The following PRKCH variants were observed in gnomAD, a reference collection of about 807,000 sequenced individuals.
The protein encoded by PRKCH is protein kinase C eta.
In PRKCH, 28 loss-of-function variants were observed where a neutral mutation model predicts 82.5. That is an observed-to-expected ratio of 0.34 (90% CI 0.25 to 0.47). PRKCH has a LOEUF of 0.47. Among genes scored for constraint, PRKCH ranks in the 20% least tolerant of loss-of-function variants. PRKCH has a pLI of 1.00. For synonymous variants in PRKCH, 322 were observed against 327.4 expected (o/e 0.98, Z 0.18); for missense variants, 705 against 881.8 (o/e 0.80, Z 2.54).
At chr14:61,433,840 A>G (rs1413625583) in intron 2 of PRKCH, among the ~76,000 whole-genome samples, 2 of 152,242 alleles carry the variant, frequency 1.3e-5, no homozygotes, top group Non-Finnish European at 2.9e-5. Flanking sequence ...TGTACAGTAT[A>G]TATTTGGCAT....
At chr14:61,391,344 G>C (rs2046678938) in intron 2 of PRKCH, 56 bp downstream of exon 2, 55 of 1,394,062 alleles carry the variant, frequency 3.9e-5, no homozygotes, top group Non-Finnish European at 5.1e-5. Context: ...TTTACACTCA[G>C]TAGGAATTTC....
At chr14:61,437,859 G>A (rs1883750737) in intron 2 of PRKCH, among the ~76,000 whole-genome samples, 1 of 152,014 alleles carries the variant, frequency 6.6e-6, no homozygotes, top group Non-Finnish European at 1.5e-5. Context: ...CAGTTTGGGA[G>A]GCCGAGGCAG....
intron 1 of PRKCH, among the ~76,000 whole-genome samples, chr14:61,193,976 GCTGT>G (rs1566775872): frequency 2.0e-5 from 3 of 152,034 alleles, no homozygotes; most frequent in Non-Finnish European, 1.5e-5. Flanking sequence ...GCCCACCATG[GCTGT>G]CTATTTGGGT....
At chr14:61,269,841 C>T (rs745905048) in intron 1 of PRKCH, among the ~76,000 whole-genome samples, 12 of 152,186 alleles carry the variant, frequency 7.9e-5, no homozygotes, top group Non-Finnish European at 1.8e-4. Flanking sequence ...CGCTGCGTTC[C>T]GTGTCGCTGC....
At chr14:61,192,429 C>A (rs955366117) in intron 1 of PRKCH, among the ~76,000 whole-genome samples, 3 of 152,212 alleles carry the variant, frequency 2.0e-5, no homozygotes, top group Non-Finnish European at 4.4e-5. Flanking sequence ...GTAGGTAAAT[C>A]TCCTAGAATA....
At chr14:61,290,346 G>A (rs2045351123) in intron 1 of PRKCH, among the ~76,000 whole-genome samples, 1 of 151,940 alleles carries the variant, frequency 6.6e-6, no homozygotes, top group East Asian at 1.9e-4. Flanking sequence ...TTCTCCCAGA[G>A]ATGTGAAACT....
In PRKCH at chr14:61,280,511, T is replaced by C. The variant is rs762817797; in HGVS notation, c.-19+92843T>C. The C allele has an allele frequency of 2.8e-5, 45 of 1,612,868 alleles. No individual in the cohort carries two copies. In the East Asian group the frequency reaches 9.1e-4, roughly 33 times the overall value. On this transcript the variant is annotated intron_variant, in intron 1 of 3. Transcript: ENST00000555185. This position sits in a 1 kb window ranked among gnomAD's most constrained non-coding sequence, Gnocchi z 5.0. ...TGGAAGGCCAACGCCAGGCTGCCGT[T>C]GACCAGCGGCGGGTTGCGGAACTTG...
chr14:61,462,911 G>A (rs987368307), intron 9 of PRKCH, among the ~76,000 whole-genome samples: 2 of 152,298 alleles, frequency 1.3e-5, no homozygotes, highest in Admixed American at 6.5e-5. Context: ...ATTGTAAGTG[G>A]CAGAGACAAA....
intron 1 of PRKCH, among the ~76,000 whole-genome samples, chr14:61,197,143 C>T (rs2044447330): frequency 6.6e-6 from 1 of 152,186 alleles, no homozygotes; most frequent in Non-Finnish European, 1.5e-5. Flanking sequence ...CTTAAGGTCC[C>T]TATACAAAGG....
chr14:61,360,195 G>A (rs1218699914), intron 1 of PRKCH, among the ~76,000 whole-genome samples: 6 of 152,152 alleles, frequency 3.9e-5, no homozygotes. Flanking sequence ...ATTTTTCTCT[G>A]CACCACATCA....
intron 1 of PRKCH, among the ~76,000 whole-genome samples, chr14:61,282,411 C>A (rs1374439049): frequency 2.0e-5 from 3 of 151,624 alleles, no homozygotes; most frequent in Non-Finnish European, 4.4e-5. Flanking sequence ...GCAAGTAATA[C>A]AAATGTTTTC....
At chr14:61,336,742 A>T (rs751477220) in intron 1 of PRKCH, among the ~76,000 whole-genome samples, 1 of 152,116 alleles carries the variant, frequency 6.6e-6, no homozygotes, top group African/African-American at 2.4e-5. Context: ...TTGTTCTGTC[A>T]TGCTTTCAAG....
rs2046429820 is a variant in PRKCH at position 61,376,494 on chromosome 14, C to A, written c.364-14731C>A. On this transcript the variant is annotated intron_variant, in intron 1 of 13. Coordinates refer to ENST00000332981, the MANE Select transcript of PRKCH (RefSeq NM_006255.5). ...AAAAACCAGAGTCATCCCAAACCAA[C>A]TGACCCTCTAGATTGCCTTACTTCT... Among the ~76,000 whole-genome samples, 5 of 152,330 alleles carry A rather than the reference C, an allele frequency of 3.3e-5. No individual in the cohort carries two copies. The South Asian group carries it at 1.0e-3, about 32-fold the overall frequency.
chr14:61,391,582 A>C (rs570741026), intron 2 of PRKCH, among the ~76,000 whole-genome samples: 1 of 144,866 alleles, frequency 6.9e-6, no homozygotes, highest in East Asian at 2.0e-4. Flanking sequence ...TTTTTGGTTC[A>C]TGACTGTGGA....
chr14:61,217,394 G>A (rs1013065791), intron 1 of PRKCH, among the ~76,000 whole-genome samples: 23 of 151,912 alleles, frequency 1.5e-4, no homozygotes, highest in Non-Finnish European at 2.6e-4. Flanking sequence ...CCTAGGTGAC[G>A]GAGCAAGACC....
chr14:61,370,502 GA>G (rs369982696), intron 1 of PRKCH, among the ~76,000 whole-genome samples: 6 of 152,086 alleles, frequency 3.9e-5, no homozygotes, highest in South Asian at 4.2e-4. Flanking sequence ...GCACTGGGTA[GA>G]AAAATGAAAG....
intron 1 of PRKCH, among the ~76,000 whole-genome samples, chr14:61,189,901 G>C (rs1365032662): frequency 6.6e-6 from 1 of 152,056 alleles, no homozygotes; most frequent in African/African-American, 2.4e-5. Context: ...GGTACTACCA[G>C]TTTTCTACCT....
At chr14:61,534,107 G>A (rs2043077062) in intron 12 of PRKCH, among the ~76,000 whole-genome samples, 1 of 152,198 alleles carries the variant, frequency 6.6e-6, no homozygotes, top group Non-Finnish European at 1.5e-5. Flanking sequence ...TGGGGCCTTT[G>A]TGCACTGCTG....
At chr14:61,210,527 T>C (rs1177142867) in intron 1 of PRKCH, among the ~76,000 whole-genome samples, 1 of 152,122 alleles carries the variant, frequency 6.6e-6, no homozygotes, top group Non-Finnish European at 1.5e-5. Context: ...AAGATTTTGA[T>C]TCAGTAAGTC....
Sources: allele counts gnomAD v4.1 joint callset (sites outside exome capture counted in the v4.1 genomes callset), GRCh38; gene constraint gnomAD v4.1.1; non-coding constraint Gnocchi (gnomAD v3.1); transcripts MANE v1.5; gene names NCBI Gene and HGNC (gene_info 2026-07-23, HGNC 2026-07-21).